The following LNX1 variants were observed in gnomAD, a reference collection of about 807,000 sequenced individuals.
LNX1 encodes E3 ubiquitin-protein ligase LNX.
A neutral mutation model predicts 68.4 loss-of-function variants in LNX1; 54 were observed. That is an observed-to-expected ratio of 0.79 (90% CI 0.63 to 0.99). The LOEUF is 0.99. Among genes scored for constraint, LNX1 ranks in the 50% least tolerant of loss-of-function variants. The pLI, the probability that LNX1 is intolerant of heterozygous loss-of-function variation, is 0.00. For synonymous variants in LNX1, 336 were observed against 350.0 expected (o/e 0.96, Z 0.45); for missense variants, 906 against 926.4 (o/e 0.98, Z 0.29).
chr4:53,556,946 A>G (rs569523220), intron 2 of LNX1, among the ~76,000 whole-genome samples: 1 of 152,216 alleles, frequency 6.6e-6, no homozygotes. Context: ...TAATTTACAC[A>G]TAAGCCAACT....
At chr4:53,517,956 C>T (rs1326942857) in intron 2 of LNX1, among the ~76,000 whole-genome samples, 1 of 152,164 alleles carries the variant, frequency 6.6e-6, no homozygotes, top group African/African-American at 2.4e-5. Context: ...CATCATTTAC[C>T]ACCAACCACA....
intron 4 of LNX1, 100 bp from the exon 5 acceptor site, chr4:53,498,943 A>G (rs1725275367): frequency 3.7e-6 from 3 of 811,646 alleles, no homozygotes; most frequent in South Asian, 3.2e-5. Context: ...TAAACTATTC[A>G]TTTTTCCTCA....
rs1452519068 is a variant in LNX1 at position 53,460,196 on chromosome 4, G to T, written c.*711C>A. On this transcript the variant is annotated 3_prime_UTR_variant, in exon 11 of 11. Transcript: ENST00000263925. The stretch of plus-strand genomic sequence containing the variant: ...TTGGCCTTCTTGATGCATTTTCCAA[G>T]GCCCACTGGTGGAGCAGCATGAGTT... 5.1e-6 allele frequency: 1 copy of T among 196,320 alleles called. No individual in the cohort carries two copies. The highest frequency in any genetic ancestry group is 2.3e-5 in the African/African-American group (1 of 43,268). The allele number at this position is 196,320 out of a possible 1,614,324, so 12.2% of individuals were successfully genotyped here. A position where few individuals can be genotyped will look rare whatever the true frequency, so the allele number is the denominator to read the frequency against.
intron 9 of LNX1, among the ~76,000 whole-genome samples, chr4:53,471,363 T>C (rs1270023966): frequency 1.3e-5 from 2 of 152,126 alleles, no homozygotes; most frequent in Non-Finnish European, 2.9e-5. Context: ...AAGACTTATA[T>C]GTGAGACCTA....
chr4:53,620,656 T>C (rs181317896), upstream of LNX1, among the ~76,000 whole-genome samples: 1 of 152,232 alleles, frequency 6.6e-6, no homozygotes, highest in Non-Finnish European at 1.5e-5. Context: ...CATAATGCAA[T>C]ACATCAGTGT....
chr4:53,574,099 A>T lies in LNX1; in HGVS notation c.-86-11T>A. On this transcript the variant is annotated splice_polypyrimidine_tract_variant and intron_variant, in intron 1 of 10. Coordinates refer to ENST00000263925, the MANE Select transcript of LNX1 (RefSeq NM_001126328.3). ...GAGACATCCACACACCTAAAAAAGA[A>T]CAAGAAGGCTCACCTTTGCTTCCCA... 1 of 1,479,192 alleles carries T rather than the reference A, an allele frequency of 6.8e-7. No individual in the cohort carries two copies. The allele number at this position is 1,479,192 out of a possible 1,614,324, so 91.6% of individuals were successfully genotyped here.
chr4:53,591,736 C>G (rs1024598656), upstream of LNX1: 14 of 225,244 alleles, frequency 6.2e-5, no homozygotes, highest in Non-Finnish European at 1.0e-4. Flanking sequence ...TACTTTCTTT[C>G]CTGAGCACAG....
At chr4:53,523,052 G>A (rs1248638918) in intron 2 of LNX1, 3 of 152,174 alleles carry the variant, frequency 2.0e-5, no homozygotes, top group African/African-American at 4.8e-5. Context: ...TCTAGCTTAT[G>A]AGATACCTCA....
intron 6 of LNX1, among the ~76,000 whole-genome samples, chr4:53,483,327 A>G (rs1470094590): frequency 5.3e-5 from 8 of 152,188 alleles, no homozygotes; most frequent in Admixed American, 5.2e-4. Context: ...TAAATGACCC[A>G]TTCTCGGGTA....
At chr4:53,582,425 G>A (rs988413855) in intron 1 of LNX1, among the ~76,000 whole-genome samples, 1 of 152,196 alleles carries the variant, frequency 6.6e-6, no homozygotes, top group African/African-American at 2.4e-5. Flanking sequence ...TCCTGTAAGA[G>A]CTTTGTTTCA....
chr4:53,472,507 A>G (rs542762883), intron 9 of LNX1, among the ~76,000 whole-genome samples: 6 of 152,072 alleles, frequency 3.9e-5, no homozygotes, highest in African/African-American at 1.4e-4. Flanking sequence ...AAGAAGAAGA[A>G]AGACACAAGG....
chr4:53,563,149 T>A (rs1730402054), intron 2 of LNX1, among the ~76,000 whole-genome samples: 2 of 152,148 alleles, frequency 1.3e-5, no homozygotes, highest in Admixed American at 1.3e-4. Context: ...GAGCTTGCAG[T>A]GAGCTGAGAT....
chr4:53,620,384 A>G (rs1055948388), upstream of LNX1, among the ~76,000 whole-genome samples: 8 of 152,220 alleles, frequency 5.3e-5, no homozygotes, highest in African/African-American at 1.9e-4. Context: ...AGTGGGATCC[A>G]CCAATCTGTG....
chr4:53,612,641 G>A (rs980275668), intron 2 of LNX1, among the ~76,000 whole-genome samples: 10 of 151,020 alleles, frequency 6.6e-5, no homozygotes, highest in Admixed American at 6.6e-5. Context: ...GCAATATAGC[G>A]AGACCCTGTC....
intron 1 of LNX1, among the ~76,000 whole-genome samples, chr4:53,650,273 G>T (rs545236934): frequency 6.6e-6 from 1 of 152,286 alleles, no homozygotes; most frequent in East Asian, 1.9e-4. Context: ...GCACCTGTGC[G>T]GGGTGTGGAG....
In LNX1 at chr4:53,501,306, G is replaced by GC. The variant is rs1468842448; in HGVS notation, c.776-2464_776-2463insG. Among the ~76,000 whole-genome samples, 35 of 119,920 alleles carry GC rather than the reference G, an allele frequency of 2.9e-4. 1 individual carries two copies. Among genetic ancestry groups the GC allele is most frequent in the African/African-American group, 6.0e-4 (19 of 31,714 alleles). 78.7% of individuals were successfully genotyped at this position (119,920 alleles called of 152,430 possible). A position where few individuals can be genotyped will look rare whatever the true frequency, so the allele number is the denominator to read the frequency against. On this transcript the variant is annotated intron_variant, in intron 4 of 10. Transcript: ENST00000263925. ...CTTTTTTTTTTTTTTTTTTGGGGGT[G>GC]GGGGGACAGGATCTCACTCTGTCAC...
chr4:53,486,853 T>C (rs1170180251), intron 6 of LNX1, among the ~76,000 whole-genome samples: 1 of 150,678 alleles, frequency 6.6e-6, no homozygotes, highest in Non-Finnish European at 1.5e-5. Context: ...CTGGAGCACA[T>C]GGCATCTTTC....
intron 2 of LNX1, among the ~76,000 whole-genome samples, chr4:53,560,884 A>G (rs1032604850): frequency 6.6e-6 from 1 of 152,212 alleles, no homozygotes; most frequent in African/African-American, 2.4e-5. Context: ...TAATTAATAC[A>G]ATCCCTTGGG....
At chr4:53,611,003 C>T (rs1733471960) in intron 2 of LNX1, among the ~76,000 whole-genome samples, 1 of 151,808 alleles carries the variant, frequency 6.6e-6, no homozygotes, top group Non-Finnish European at 1.5e-5. Flanking sequence ...CGATATGAAA[C>T]TTGATGGTAG....
Sources: allele counts gnomAD v4.1 joint callset (sites outside exome capture counted in the v4.1 genomes callset), GRCh38; gene constraint gnomAD v4.1.1; transcripts MANE v1.5; gene names NCBI Gene and HGNC (gene_info 2026-07-23, HGNC 2026-07-21).